Variants in DRAXIN observed in about 807,000 individuals in gnomAD.
DRAXIN encodes dorsal repulsive axon guidance protein.
A neutral mutation model predicts 33.9 loss-of-function variants in DRAXIN; 27 were observed. The observed-to-expected ratio is 0.80, with a 90% CI of 0.59 to 1.10. The LOEUF (loss-of-function observed/expected upper bound fraction) is 1.10. DRAXIN is among the 50% of genes least tolerant of loss of function. DRAXIN has a pLI of 0.00. For synonymous variants in DRAXIN, 178 were observed against 194.0 expected (o/e 0.92, Z 0.69); for missense variants, 371 against 460.8 (o/e 0.81, Z 1.78).
rs1641201445 is a variant in DRAXIN at position 11,696,913 on chromosome 1, GTA to G, written c.-11+5061_-11+5062del. Reference sequence around the variant, plus strand: ...TAGCCAGGCATGGTGGTGCATGCCTGTAATCCCAGCTGCTTGGGAGGCTAAGG... The same window carrying G: ...TAGCCAGGCATGGTGGTGCATGCCTGATCCCAGCTGCTTGGGAGGCTAAGG... On this transcript the variant is annotated intron_variant, in intron 1 of 6. Coordinates refer to ENST00000294485, the MANE Select transcript of DRAXIN (RefSeq NM_198545.4). The surrounding 1 kb of genome is among the most constrained non-coding windows in gnomAD (Gnocchi z 4.7). 2.0e-5 allele frequency among the ~76,000 whole-genome samples: 3 copies of G among 151,940 alleles called. No individual in the cohort carries two copies. The highest frequency in any genetic ancestry group is 4.4e-5 in the Non-Finnish European group (3 of 67,984).
At chr1:11,707,279 A>T (rs74199788) in intron 2 of DRAXIN, among the ~76,000 whole-genome samples, 2 of 152,292 alleles carry the variant, frequency 1.3e-5, no homozygotes, top group East Asian at 3.9e-4. Context: ...TCTGACCTAA[A>T]TTTCTCCTAC....
chr1:11,717,758 G>A (rs1390183717), intron 6 of DRAXIN, among the ~76,000 whole-genome samples: 1 of 149,708 alleles, frequency 6.7e-6, no homozygotes, highest in Non-Finnish European at 1.5e-5. Flanking sequence ...GCCAAGGCAG[G>A]TGGATCCTTG....
rs77177863 is a variant in DRAXIN at position 11,712,329 on chromosome 1, C to T, written c.758-11C>T. Reference sequence around the variant, plus strand: ...GCCCCAGCTTCTGACGACAGATCTTCTTATCCCCAGAGAAACACCGCGGTA... The same window carrying T: ...GCCCCAGCTTCTGACGACAGATCTTTTTATCCCCAGAGAAACACCGCGGTA... On this transcript the variant is annotated splice_polypyrimidine_tract_variant and intron_variant, in intron 4 of 6. Coordinates refer to ENST00000294485, the MANE Select transcript of DRAXIN (RefSeq NM_198545.4). 6,303 of 1,614,018 alleles carry T rather than the reference C, an allele frequency of 3.9e-3. 207 individuals carry two copies. In the African/African-American group the frequency reaches 0.073, roughly 19 times the overall value.
Position 11,720,046 on chromosome 1 carries a change from A to G in DRAXIN, c.*350A>G. The G allele has an allele frequency of 3.9e-6, 1 of 258,842 alleles. No homozygotes were observed. Among genetic ancestry groups the G allele is most frequent in the Non-Finnish European group, 7.9e-6 (1 of 127,106 alleles). The allele number at this position is 258,842 out of a possible 1,614,324, so 16.0% of individuals were successfully genotyped here. A position where few individuals can be genotyped will look rare whatever the true frequency, so the allele number is the denominator to read the frequency against. On this transcript the variant is annotated 3_prime_UTR_variant, in exon 7 of 7. Transcript: ENST00000294485. The stretch of plus-strand genomic sequence containing the variant: ...GTTTTTGAGAGTGGAAAAGAAATTT[A>G]AACTTCCCGAAAGAAGGTCCACCAT...
intron 5 of DRAXIN, 93 bp from the exon 6 acceptor site, chr1:11,715,026 G>T (rs1023657037): frequency 1.4e-6 from 2 of 1,471,142 alleles, no homozygotes; most frequent in Non-Finnish European, 1.9e-6. Context: ...CTGCCACAGA[G>T]ATGATGGATC....
intron 5 of DRAXIN, 91 bp from the exon 6 acceptor site, chr1:11,715,028 T>C (rs986684904): frequency 1.2e-5 from 18 of 1,474,576 alleles, no homozygotes; most frequent in Non-Finnish European, 1.6e-5. Context: ...GCCACAGAGA[T>C]GATGGATCTC....
rs1641154578 is a variant in DRAXIN at position 11,694,213 on chromosome 1, C to T, written c.-11+2360C>T. Among the ~76,000 whole-genome samples, 1 of 152,110 alleles carries T rather than the reference C, an allele frequency of 6.6e-6. No individual in the cohort carries two copies. Among genetic ancestry groups the T allele is most frequent in the Non-Finnish European group, 1.5e-5 (1 of 68,020 alleles). ...GCTTGTGGTCCCAGTGCCTGGCACG[C>T]AGTAGGGGCTCTGTGCACACCTGTT... On this transcript the variant is annotated intron_variant, in intron 1 of 6. Transcript: ENST00000294485. The surrounding 1 kb of genome is among the most constrained non-coding windows in gnomAD (Gnocchi z 4.9).
intron 4 of DRAXIN, 85 bp downstream of exon 4, chr1:11,712,050 C>T: frequency 7.8e-7 from 1 of 1,289,880 alleles, no homozygotes; most frequent in Non-Finnish European, 1.1e-6. Flanking sequence ...CCAGTGAGCC[C>T]TGTCTGATCT....
intron 1 of DRAXIN, among the ~76,000 whole-genome samples, chr1:11,697,451 T>C (rs1641210231): frequency 6.6e-6 from 1 of 152,234 alleles, no homozygotes; most frequent in Non-Finnish European, 1.5e-5. Context: ...CCCTGCTAGA[T>C]GGGAGGCTTC....
chr1:11,699,012 C>T (rs1323208401), intron 1 of DRAXIN, among the ~76,000 whole-genome samples: 2 of 152,208 alleles, frequency 1.3e-5, no homozygotes, highest in African/African-American at 4.8e-5. Flanking sequence ...AGATTTTGCC[C>T]CTAGCTCCTG....
At chr1:11,701,714 C>A (rs1399782802) in intron 1 of DRAXIN, among the ~76,000 whole-genome samples, 2 of 152,070 alleles carry the variant, frequency 1.3e-5, no homozygotes, top group Non-Finnish European at 2.9e-5. Flanking sequence ...CAACCCGGGC[C>A]GGGCAGAACC....
chr1:11,719,792 G>A lies in DRAXIN; in HGVS notation c.*96G>A. 1 of 1,122,980 alleles carries A rather than the reference G, an allele frequency of 8.9e-7. No individual in the cohort carries two copies. The highest frequency in any genetic ancestry group is 1.3e-6 in the Non-Finnish European group (1 of 762,558). The allele number at this position is 1,122,980 out of a possible 1,614,324, so 69.6% of individuals were successfully genotyped here. On this transcript the variant is annotated 3_prime_UTR_variant, in exon 7 of 7. Transcript: ENST00000294485. ...TGGGAGATCAAGTTGGGGAACAGATGGCTGAGGCTGCAGACTCAGGCCCAG... is the reference window on the plus strand; with the variant it reads ...TGGGAGATCAAGTTGGGGAACAGATAGCTGAGGCTGCAGACTCAGGCCCAG...
At chr1:11,712,538 T>C in intron 5 of DRAXIN, 109 bp downstream of exon 5, 1 of 1,053,982 alleles carries the variant, frequency 9.5e-7, no homozygotes. Flanking sequence ...TGACCCTTCA[T>C]GGATGATAAA....
chr1:11,702,747 C>CTTTTTTTTTTTTTTTT (rs33972819), intron 1 of DRAXIN, among the ~76,000 whole-genome samples: 17 of 145,558 alleles, frequency 1.2e-4, no homozygotes, highest in Non-Finnish European at 1.5e-4. Flanking sequence ...GGTATGAATT[C>CTTTTTTTTTTTTTTTT]TTTTTTTTTT....
intron 3 of DRAXIN, 67 bp downstream of exon 3, chr1:11,709,532 T>A: frequency 6.6e-7 from 1 of 1,520,936 alleles, no homozygotes; most frequent in Non-Finnish European, 8.8e-7. Context: ...AAAGCCCTCT[T>A]AATACATGTA....
intron 1 of DRAXIN, among the ~76,000 whole-genome samples, chr1:11,702,155 T>C (rs1641298890): frequency 7.0e-6 from 1 of 143,456 alleles, no homozygotes; most frequent in African/African-American, 2.7e-5. Flanking sequence ...CCACACACAT[T>C]CACGCTCACA....
In DRAXIN at chr1:11,706,174, G is replaced by T. The variant is rs1000516242; in HGVS notation, c.-10-75G>T. The T allele has an allele frequency of 3.0e-6, 4 of 1,347,500 alleles. No individual in the cohort carries two copies. The Admixed American group carries it at 1.1e-4, about 39-fold the overall frequency. The allele number at this position is 1,347,500 out of a possible 1,614,324, so 83.5% of individuals were successfully genotyped here. A position where few individuals can be genotyped will look rare whatever the true frequency, so the allele number is the denominator to read the frequency against. On this transcript the variant is annotated intron_variant, in intron 1 of 6. Coordinates refer to ENST00000294485, the MANE Select transcript of DRAXIN (RefSeq NM_198545.4). The surrounding 1 kb of genome is among the most constrained non-coding windows in gnomAD (Gnocchi z 5.5). ...CCTCTATGGCTGTTGAGAAAAACTG[G>T]GCTTTAATCATTTGAGTGAGGGGCA...
At chr1:11,702,782 G>C (rs988008602) in intron 1 of DRAXIN, among the ~76,000 whole-genome samples, 1 of 145,502 alleles carries the variant, frequency 6.9e-6, no homozygotes, top group Middle Eastern at 3.8e-3. Flanking sequence ...TCTCTCTGTC[G>C]CCCAGGTTGG....
At chr1:11,711,761 G>A in intron 3 of DRAXIN, 90 bp from the exon 4 acceptor site, 1 of 1,246,080 alleles carries the variant, frequency 8.0e-7, no homozygotes, top group East Asian at 2.5e-5. Context: ...CCTCTGAGAA[G>A]CCTCTTTTTT....
Sources: gnomAD v4.1 joint callset for allele counts (sites outside exome capture counted in the v4.1 genomes callset) on GRCh38, gnomAD v4.1.1 for gene constraint, Gnocchi (gnomAD v3.1) non-coding constraint, MANE v1.5 for transcripts, NCBI Gene and HGNC (gene_info 2026-07-23, HGNC 2026-07-21) for gene names.